DAB2IP: variants seen among roughly 807,000 people sequenced by gnomAD.
DAB2IP encodes the protein disabled homolog 2-interacting protein.
In DAB2IP, 28 loss-of-function variants were observed where a neutral mutation model predicts 107.2. That is an observed-to-expected ratio of 0.26 (90% CI 0.19 to 0.36). The LOEUF (loss-of-function observed/expected upper bound fraction) is 0.36. Among genes scored for constraint, DAB2IP ranks in the 10% least tolerant of loss-of-function variants. DAB2IP has a pLI of 1.00. For synonymous variants in DAB2IP, 755 were observed against 706.4 expected (o/e 1.07, Z -1.09); for missense variants, 1,400 against 1,644.7 (o/e 0.85, Z 2.57).
chr9:121,581,682 T>C (rs1830197276), intron 1 of DAB2IP, among the ~76,000 whole-genome samples: 1 of 152,202 alleles, frequency 6.6e-6, no homozygotes, highest in Non-Finnish European at 1.5e-5. Context: ...GCTCTGAGTC[T>C]GCACTGAGCA....
chr9:121,780,966 G>A (rs141021456), intron 14 of DAB2IP, among the ~76,000 whole-genome samples: 1,653 of 152,296 alleles, frequency 0.011, 15 homozygotes, highest in Non-Finnish European at 0.014. Context: ...CAGCTGCTCC[G>A]TGCAGGGTGT....
intron 1 of DAB2IP, among the ~76,000 whole-genome samples, chr9:121,605,080 C>T (rs978128293): frequency 2.0e-5 from 3 of 152,224 alleles, no homozygotes; most frequent in Non-Finnish European, 1.5e-5. Context: ...AGTGCAGTGG[C>T]GCGATCTTGA....
rs139642388 is a variant in DAB2IP, at chr9:121,732,081, C to T, written c.363-24932C>T. Among the ~76,000 whole-genome samples, 14 of 152,192 alleles carry T rather than the reference C, an allele frequency of 9.2e-5. 1 individual carries two copies. In the South Asian group the frequency reaches 1.2e-3, roughly 14 times the overall value. ...CTGAGGGGACTGCCCAGGTTGATCCCGGCGTCTTGTACAATAGAACCAGCA... is the reference window on the plus strand; with the variant it reads ...CTGAGGGGACTGCCCAGGTTGATCCTGGCGTCTTGTACAATAGAACCAGCA... On this transcript the variant is annotated intron_variant, in intron 3 of 15. Transcript: ENST00000408936.
At chr9:121,756,966 T>G in intron 3 of DAB2IP, 47 bp from the exon 4 acceptor site, 1 of 1,612,044 alleles carries the variant, frequency 6.2e-7, no homozygotes. Flanking sequence ...GCAACCAGCT[T>G]GACCCGGGCT....
At chr9:121,746,786 T>G (rs895138773) in intron 3 of DAB2IP, among the ~76,000 whole-genome samples, 7 of 152,222 alleles carry the variant, frequency 4.6e-5, no homozygotes, top group Non-Finnish European at 7.3e-5. Flanking sequence ...TTTATTCTTT[T>G]GTTTCATTAT....
At chr9:121,568,364 G>A (rs988777991) in intron 1 of DAB2IP, among the ~76,000 whole-genome samples, 2 of 152,210 alleles carry the variant, frequency 1.3e-5, no homozygotes, top group Non-Finnish European at 2.9e-5. Flanking sequence ...CAGGGGACGG[G>A]GGGTCAGTTG....
At chr9:121,607,608 C>G (rs776860860) in intron 1 of DAB2IP, among the ~76,000 whole-genome samples, 1 of 152,176 alleles carries the variant, frequency 6.6e-6, no homozygotes, top group South Asian at 2.1e-4. Flanking sequence ...TGAGTCACCA[C>G]CCCATCGTTC....
intron 1 of DAB2IP, among the ~76,000 whole-genome samples, chr9:121,610,875 T>A (rs890856187): frequency 1.3e-5 from 2 of 152,160 alleles, no homozygotes; most frequent in African/African-American, 4.8e-5. Flanking sequence ...GCTTTGTGAA[T>A]GTTGATTGTA....
rs1022920938 is a variant in DAB2IP at position 121,684,712 on chromosome 9, G to T, written c.228+5931G>T. Among the ~76,000 whole-genome samples, 7 of 152,214 alleles carry T rather than the reference G, an allele frequency of 4.6e-5. No individual in the cohort carries two copies. Among genetic ancestry groups the T allele is most frequent in the African/African-American group, 1.7e-4 (7 of 41,448 alleles). Reference sequence around the variant, plus strand: ...ATTTGTGCCCCTTCCAAGCTACGGAGGCTCCGGGTGGCTGTTGGGGTGGGG... The same window carrying T: ...ATTTGTGCCCCTTCCAAGCTACGGATGCTCCGGGTGGCTGTTGGGGTGGGG... On this transcript the variant is annotated intron_variant, in intron 2 of 15. Coordinates refer to ENST00000408936, the Ensembl canonical transcript of DAB2IP. This position sits in a 1 kb window ranked among gnomAD's most constrained non-coding sequence, Gnocchi z 4.0.
At position 121,760,023 on chromosome 9, in the gene DAB2IP, G is replaced by A; in HGVS notation, c.754G>A (p.Asp252Asn). 6.2e-7 allele frequency: 1 copy of A among 1,614,140 alleles called. No homozygotes were observed. The highest frequency in any genetic ancestry group is 8.5e-7 in the Non-Finnish European group (1 of 1,180,030). ...CCGCACCACGGGCAAGCTCAAGACG[G>A]ACAATGTTTTCTGGGGCGAGCACTT... The change falls in exon 6 of 16, where the codon GAC (aspartate) becomes AAC (asparagine). Residue 252 changes from aspartate to asparagine, a missense_variant. Transcript: ENST00000408936. This position sits in a 1 kb window ranked among gnomAD's most constrained non-coding sequence, Gnocchi z 5.9.
intron 6 of DAB2IP, among the ~76,000 whole-genome samples, chr9:121,762,667 G>C (rs1833978915): frequency 6.6e-6 from 1 of 151,932 alleles, no homozygotes; most frequent in African/African-American, 2.4e-5. Flanking sequence ...TGTGCTAGGT[G>C]GCCCCCTGCC....
chr9:121,684,973 G>A lies in DAB2IP; in HGVS notation c.228+6192G>A, dbSNP rs922348794. ...CACGTGGTCCTGGCTGTAACAGGGC[G>A]GTAGTGCTGGACCCCTGGGTGGGGT... On this transcript the variant is annotated intron_variant, in intron 2 of 15. Transcript: ENST00000408936. This position sits in a 1 kb window ranked among gnomAD's most constrained non-coding sequence, Gnocchi z 4.0. Among the ~76,000 whole-genome samples the A allele has an allele frequency of 1.3e-5, 2 of 152,180 alleles. No individual in the cohort carries two copies. The highest frequency in any genetic ancestry group is 4.8e-5 in the African/African-American group (2 of 41,454).
At chr9:121,670,238 G>A (rs72764057) in intron 1 of DAB2IP, among the ~76,000 whole-genome samples, 4,824 of 152,302 alleles carry the variant, frequency 0.032, 129 homozygotes, top group South Asian at 0.084. Context: ...CCAAGTTGTC[G>A]TGTGTATCAA....
At chr9:121,646,864 C>T (rs1832558376), upstream of DAB2IP, among the ~76,000 whole-genome samples, 1 of 152,168 alleles carries the variant, frequency 6.6e-6, no homozygotes, top group East Asian at 1.9e-4. Flanking sequence ...GGGTTCAAAT[C>T]CTGCCTCCTA....
chr9:121,739,685 T>C (rs1415049373), intron 3 of DAB2IP, among the ~76,000 whole-genome samples: 1 of 152,082 alleles, frequency 6.6e-6, no homozygotes, highest in Non-Finnish European at 1.5e-5. Context: ...ATTTCAGACG[T>C]GAAGCTCCGA....
At chr9:121,570,366 A>C (rs944189112) in intron 1 of DAB2IP, among the ~76,000 whole-genome samples, 1 of 151,402 alleles carries the variant, frequency 6.6e-6, no homozygotes, top group Admixed American at 6.6e-5. Flanking sequence ...CACCTGCCTC[A>C]GCCTCCCAAA....
intron 1 of DAB2IP, among the ~76,000 whole-genome samples, chr9:121,627,661 T>C (rs1831711319): frequency 6.6e-6 from 1 of 152,116 alleles, no homozygotes; most frequent in South Asian, 2.1e-4. Context: ...GGGGCAGAGT[T>C]GGGGTGGGCC....
At chr9:121,572,198 C>T (rs555409619) in intron 1 of DAB2IP, among the ~76,000 whole-genome samples, 12 of 152,252 alleles carry the variant, frequency 7.9e-5, no homozygotes, top group African/African-American at 2.9e-4. Flanking sequence ...TTCTCCACTT[C>T]GTGGGTACCG....
chr9:121,727,489 T>G (rs1352964012), intron 3 of DAB2IP, among the ~76,000 whole-genome samples: 2 of 152,220 alleles, frequency 1.3e-5, no homozygotes, highest in African/African-American at 4.8e-5. Flanking sequence ...GCAACTGTCT[T>G]CACCATAATT....
Sources: allele counts gnomAD v4.1 joint callset (sites outside exome capture counted in the v4.1 genomes callset), GRCh38; gene constraint gnomAD v4.1.1; non-coding constraint Gnocchi (gnomAD v3.1); transcripts MANE v1.5; gene names NCBI Gene and HGNC (gene_info 2026-07-23, HGNC 2026-07-21).